CCDC192: variants seen among roughly 807,000 people sequenced by gnomAD.
CCDC192 encodes coiled-coil domain-containing protein 192.
chr5:127,722,589 G>C (rs1752087194), intron 2 of CCDC192, among the ~76,000 whole-genome samples: 1 of 152,040 alleles, frequency 6.6e-6, no homozygotes, highest in Admixed American at 6.6e-5. Context: ...TTTCATAGTT[G>C]AGGTCTTAGA....
intron 3 of CCDC192, among the ~76,000 whole-genome samples, chr5:127,761,163 GT>G (rs1303198000): frequency 2.0e-5 from 3 of 152,176 alleles, no homozygotes; most frequent in African/African-American, 7.2e-5. Context: ...ATCAAGCCAG[GT>G]TTAGTTTCTT....
chr5:127,903,451 C>T (rs1753107802), intron 6 of CCDC192, among the ~76,000 whole-genome samples: 1 of 152,130 alleles, frequency 6.6e-6, no homozygotes, highest in Non-Finnish European at 1.5e-5. Flanking sequence ...CCATGTTGGC[C>T]AGGCTGGTCT....
At chr5:127,770,307 G>A (rs1460744578) in intron 3 of CCDC192, among the ~76,000 whole-genome samples, 1 of 152,172 alleles carries the variant, frequency 6.6e-6, no homozygotes, top group African/African-American at 2.4e-5. Flanking sequence ...TAACTGCAGT[G>A]ACCTTGACAA....
chr5:127,915,882 T>C (rs1363324233), intron 6 of CCDC192, among the ~76,000 whole-genome samples: 1 of 152,166 alleles, frequency 6.6e-6, no homozygotes, highest in Non-Finnish European at 1.5e-5. Flanking sequence ...ATAAAGGTGG[T>C]GGCGGCTGAA....
At chr5:127,784,813 C>T (rs1756444163) in intron 3 of CCDC192, 1 of 472,274 alleles carries the variant, frequency 2.1e-6, no homozygotes, top group Non-Finnish European at 4.2e-6. Context: ...CCATCTGAAT[C>T]AGTAGTTTGC....
At chr5:127,782,749 T>C (rs780920503) in intron 3 of CCDC192, among the ~76,000 whole-genome samples, 3 of 152,196 alleles carry the variant, frequency 2.0e-5, no homozygotes, top group Non-Finnish European at 4.4e-5. Context: ...ATTTATCTTT[T>C]CAAAGAACCA....
At chr5:127,914,632 G>A (rs766224350) in intron 6 of CCDC192, among the ~76,000 whole-genome samples, 11 of 152,148 alleles carry the variant, frequency 7.2e-5, no homozygotes, top group South Asian at 2.1e-4. Context: ...AAAAATATCA[G>A]TTGATTTACA....
At chr5:127,776,600 A>T (rs1755871098) in intron 3 of CCDC192, among the ~76,000 whole-genome samples, 2 of 152,226 alleles carry the variant, frequency 1.3e-5, no homozygotes, top group South Asian at 2.1e-4. Context: ...GTTGGAGAAA[A>T]TGTCTCCAGG....
chr5:127,885,541 G>A (rs970192438), intron 6 of CCDC192, among the ~76,000 whole-genome samples: 3 of 152,174 alleles, frequency 2.0e-5, no homozygotes, highest in African/African-American at 7.2e-5. Flanking sequence ...TAGCTCCCCA[G>A]AAACCTCACT....
chr5:127,830,390 T>G (rs902485395), intron 5 of CCDC192, among the ~76,000 whole-genome samples: 4 of 152,174 alleles, frequency 2.6e-5, no homozygotes, highest in African/African-American at 7.2e-5. Context: ...AATGGAAATG[T>G]ATTTGCTTAT....
chr5:127,864,569 A>G (rs1195870374), intron 5 of CCDC192, among the ~76,000 whole-genome samples: 2 of 152,238 alleles, frequency 1.3e-5, no homozygotes, highest in Non-Finnish European at 2.9e-5. Flanking sequence ...CTTGAATCCA[A>G]CAAAACCAAA....
At chr5:127,800,603 T>G (rs183204715) in intron 5 of CCDC192, among the ~76,000 whole-genome samples, 151 of 152,226 alleles carry the variant, frequency 9.9e-4, no homozygotes, top group Middle Eastern at 3.4e-3. Context: ...GTACTCTGGT[T>G]CTTAAATATG....
At chr5:127,770,403 C>T (rs1234319041) in intron 3 of CCDC192, among the ~76,000 whole-genome samples, 1 of 152,176 alleles carries the variant, frequency 6.6e-6, no homozygotes, top group Non-Finnish European at 1.5e-5. Flanking sequence ...TTGGCTATGG[C>T]CATGGAAGTA....
chr5:127,733,603 T>C (rs1318769782), intron 2 of CCDC192, among the ~76,000 whole-genome samples: 2 of 152,158 alleles, frequency 1.3e-5, no homozygotes, highest in African/African-American at 2.4e-5. Flanking sequence ...TTTCAGAGGT[T>C]CTTTAGGAGA....
chr5:127,864,947 G>A (rs557301676), intron 5 of CCDC192, among the ~76,000 whole-genome samples: 94 of 152,076 alleles, frequency 6.2e-4, no homozygotes, highest in East Asian at 1.4e-3. Context: ...GGAGATTGAG[G>A]CCATCCTGGC....
At chr5:127,792,525 C>CAT (rs34017962) in intron 3 of CCDC192, among the ~76,000 whole-genome samples, 57,203 of 140,944 alleles carry the variant, frequency 0.41, 11,401 homozygotes, top group Middle Eastern at 0.51. Context: ...ATCACCATCT[C>CAT]ATATATATAT....
In CCDC192 at chr5:127,833,037, C is replaced by T. The variant is rs560428452; in HGVS notation, c.411+34875C>T. The stretch of plus-strand genomic sequence containing the variant: ...TCGTGGCCACATTAAAAGGCTTAGC[C>T]CTCTTGTAAAAGATGATCTTATTCT... On this transcript the variant is annotated intron_variant, in intron 5 of 6. Transcript: ENST00000514853. 4.3e-4 allele frequency among the ~76,000 whole-genome samples: 65 copies of T among 152,182 alleles called. 1 individual carries two copies. Among genetic ancestry groups the T allele is most frequent in the Admixed American group, 1.6e-3 (25 of 15,270 alleles).
At chr5:127,753,540 A>G (rs764184581) in intron 2 of CCDC192, among the ~76,000 whole-genome samples, 3 of 152,130 alleles carry the variant, frequency 2.0e-5, no homozygotes, top group Non-Finnish European at 4.4e-5. Context: ...TACTAAAAAT[A>G]TAAAAATTAT....
chr5:127,851,626 T>C (rs1750801841), intron 5 of CCDC192, among the ~76,000 whole-genome samples: 1 of 152,138 alleles, frequency 6.6e-6, no homozygotes, highest in African/African-American at 2.4e-5. Context: ...CCTGGCTAAT[T>C]TTTGCATTTT....
Sources: allele counts gnomAD v4.1 joint callset (sites outside exome capture counted in the v4.1 genomes callset), GRCh38; gene constraint gnomAD v4.1.1; transcripts MANE v1.5; gene names NCBI Gene and HGNC (gene_info 2026-07-23, HGNC 2026-07-21).